HTN1: variants seen among roughly 807,000 people sequenced by gnomAD.
The protein encoded by HTN1 is histatin 1.
Under a neutral mutation model 11.2 loss-of-function variants are expected in HTN1, and 18 were observed. That is an observed-to-expected ratio of 1.61 (90% confidence interval 1.12 to 2.39). The LOEUF is 2.39. Among genes scored for constraint, HTN1 ranks in the 30% most tolerant of loss-of-function variants. The probability of loss-of-function intolerance (pLI) is 0.00; values close to 1 mark genes in which losing one functional copy is unlikely to be tolerated. For synonymous variants in HTN1, 21 were observed against 20.5 expected, an observed-to-expected ratio of 1.02 and a Z score of -0.07; for missense variants, 80 against 67.2, an observed-to-expected ratio of 1.19 and a Z score of -0.67.
chr4:70,056,917 A>T (rs138308627), intron 5 of HTN1: 1 of 152,302 alleles, frequency 6.6e-6, no homozygotes, highest in Non-Finnish European at 1.5e-5. Context: ...GAGAGACAAG[A>T]ACACTTTTAC....
At chr4:70,052,684 CT>C (rs1257799790) in intron 1 of HTN1, among the ~76,000 whole-genome samples, 2 of 151,872 alleles carry the variant, frequency 1.3e-5, no homozygotes, top group Non-Finnish European at 2.9e-5. Context: ...ATGCCTGGGG[CT>C]CACACCTGTA....
intron 1 of HTN1, 91 bp downstream of exon 1, chr4:70,050,586 T>A (rs1369268583): frequency 1.3e-5 from 2 of 152,144 alleles, no homozygotes; most frequent in African/African-American, 4.8e-5. Context: ...AAATGTATAT[T>A]ATCTATTTAA....
At chr4:70,056,659 G>T (rs1726050900) in intron 5 of HTN1, 1 of 152,050 alleles carries the variant, frequency 6.6e-6, no homozygotes, top group Admixed American at 6.6e-5. Context: ...CTAATATCCA[G>T]AATCTACAAG....
chr4:70,054,481 A>T, intron 4 of HTN1, 31 bp downstream of exon 4: 1 of 1,390,328 alleles, frequency 7.2e-7, no homozygotes, highest in East Asian at 2.3e-5. Flanking sequence ...GTGCACTCTA[A>T]ATAAATTTTC....
intron 1 of HTN1, among the ~76,000 whole-genome samples, chr4:70,052,721 C>A (rs1181274265): frequency 1.3e-5 from 2 of 151,306 alleles, no homozygotes; most frequent in African/African-American, 4.9e-5. Flanking sequence ...GAAGACAAGG[C>A]AGGAAGATTC....
chr4:70,055,607 G>T lies in HTN1; in HGVS notation c.*33+5G>T, dbSNP rs370623231. 20 of 1,277,922 alleles carry T rather than the reference G, an allele frequency of 1.6e-5. No homozygotes were observed. Among genetic ancestry groups the T allele is most frequent in the Non-Finnish European group, 2.0e-5 (18 of 879,344 alleles). 79.2% of individuals were successfully genotyped at this position (1,277,922 alleles called of 1,614,324 possible). A position where few individuals can be genotyped will look rare whatever the true frequency, so the allele number is the denominator to read the frequency against. On this transcript the variant is annotated splice_donor_5th_base_variant and intron_variant, in intron 5 of 5. Coordinates refer to ENST00000246896, the MANE Select transcript of HTN1 (RefSeq NM_002159.4). The stretch of plus-strand genomic sequence containing the variant: ...TCATGGGGCATGATTATAGAGGTAA[G>T]CTGACTCTAGTTGCTTGTCTTTCTA...
chr4:70,054,374 T>C (rs752119704), intron 3 of HTN1, 32 bp downstream of exon 3: 10 of 1,534,902 alleles, frequency 6.5e-6, no homozygotes, highest in Non-Finnish European at 1.8e-6. Context: ...GAAAACTTGA[T>C]AAATAAACAT....
At chr4:70,051,169 A>G (rs1459900953) in intron 1 of HTN1, among the ~76,000 whole-genome samples, 1 of 152,166 alleles carries the variant, frequency 6.6e-6, no homozygotes, top group Non-Finnish European at 1.5e-5. Flanking sequence ...GAAGATACTG[A>G]TAAATTCTCT....
intron 2 of HTN1, among the ~76,000 whole-genome samples, chr4:70,053,468 A>G (rs1725952274): frequency 6.6e-6 from 1 of 152,208 alleles, no homozygotes; most frequent in African/African-American, 2.4e-5. Context: ...CTGAGGAAAG[A>G]AAAAGGTGCA....
chr4:70,053,749 C>T (rs57810961), intron 2 of HTN1, among the ~76,000 whole-genome samples: 3,231 of 152,186 alleles, frequency 0.021, 105 homozygotes, highest in African/African-American at 0.073. Flanking sequence ...CCTCCTCCTC[C>T]TCCTCCTCCT....
intron 2 of HTN1, among the ~76,000 whole-genome samples, chr4:70,054,009 T>TA (rs1460473404): frequency 6.6e-6 from 1 of 152,144 alleles, no homozygotes; most frequent in Admixed American, 6.6e-5. Context: ...CATATTCATA[T>TA]AAAAAACAAT....
At chr4:70,052,997 A>C in intron 1 of HTN1, 67 bp from the exon 2 acceptor site, 3 of 943,694 alleles carry the variant, frequency 3.2e-6, no homozygotes, top group Non-Finnish European at 5.2e-6. Context: ...TAGTGTCATC[A>C]ATAGAAGTTT....
intron 2 of HTN1, among the ~76,000 whole-genome samples, chr4:70,053,760 C>T (rs1560435219): frequency 6.6e-6 from 1 of 152,074 alleles, no homozygotes; most frequent in Non-Finnish European, 1.5e-5. Flanking sequence ...TCCTCCTCCT[C>T]TTTCTATGAA....
chr4:70,055,400 C>G (rs1431186103), intron 4 of HTN1, 98 bp from the exon 5 acceptor site: 3 of 851,658 alleles, frequency 3.5e-6, no homozygotes, highest in East Asian at 2.5e-5. Context: ...GTCTTAACAA[C>G]TTTAGCAATC....
intron 1 of HTN1, among the ~76,000 whole-genome samples, chr4:70,052,668 G>A (rs1284461034): frequency 6.6e-6 from 1 of 151,822 alleles, no homozygotes; most frequent in Non-Finnish European, 1.5e-5. Flanking sequence ...ATCAATTCAT[G>A]AGGCCATGCC....
intron 2 of HTN1, 31 bp downstream of exon 2, chr4:70,053,158 A>C (rs770827466): frequency 7.2e-7 from 1 of 1,390,606 alleles, no homozygotes; most frequent in South Asian, 1.2e-5. Context: ...TAAATACTAC[A>C]TTCTCAGTAC....
chr4:70,050,633 AT>A (rs1725869075), intron 1 of HTN1, 138 bp downstream of exon 1: 2 of 152,200 alleles, frequency 1.3e-5, no homozygotes, highest in Non-Finnish European at 2.9e-5. Context: ...GCCTAAATAA[AT>A]AATTTACATT....
chr4:70,054,492 C>A, intron 4 of HTN1, 42 bp downstream of exon 4: 1 of 1,252,860 alleles, frequency 8.0e-7, no homozygotes, highest in Non-Finnish European at 1.1e-6. Context: ...ATAAATTTTC[C>A]TCTCTGACTA....
intron 2 of HTN1, among the ~76,000 whole-genome samples, 194 bp from the exon 3 acceptor site, chr4:70,054,128 C>A (rs1428478120): frequency 6.6e-6 from 1 of 151,928 alleles, no homozygotes; most frequent in Admixed American, 6.6e-5. Flanking sequence ...TTGAATATAG[C>A]ACATTAATTA....
Sources: gnomAD v4.1 joint callset for allele counts (sites outside exome capture counted in the v4.1 genomes callset) on GRCh38, gnomAD v4.1.1 for gene constraint, MANE v1.5 for transcripts, NCBI Gene and HGNC (gene_info 2026-07-23, HGNC 2026-07-21) for gene names.